The following MARCHF1 variants were observed in gnomAD, a reference collection of about 807,000 sequenced individuals.
MARCHF1 encodes membrane associated ring-CH-type finger 1.
MARCHF1 carries 40 observed loss-of-function variants against 54.2 expected under a neutral mutation model. That is an observed-to-expected ratio of 0.74 (90% confidence interval 0.57 to 0.96). The LOEUF (loss-of-function observed/expected upper bound fraction) is 0.96. Ranked by LOEUF, MARCHF1 falls within the 40% of genes least tolerant of loss-of-function variation. MARCHF1 has a pLI of 0.00. For synonymous variants in MARCHF1, 236 were observed against 236.3 expected (o/e 1.00, Z 0.01); for missense variants, 586 against 656.5 (o/e 0.89, Z 1.17).
intron 1 of MARCHF1, among the ~76,000 whole-genome samples, chr4:164,245,017 T>A (rs1459864941): frequency 6.6e-6 from 1 of 152,186 alleles, no homozygotes; most frequent in Non-Finnish European, 1.5e-5. Context: ...ACAGCCGAAT[T>A]CTACCAGAGG....
At chr4:164,079,635 C>G (rs1755054049) in intron 2 of MARCHF1, among the ~76,000 whole-genome samples, 1 of 152,034 alleles carries the variant, frequency 6.6e-6, no homozygotes, top group Non-Finnish European at 1.5e-5. Flanking sequence ...AATGAATAAT[C>G]TAGTCTAGAA....
chr4:164,243,429 G>A (rs1732839032), intron 1 of MARCHF1, among the ~76,000 whole-genome samples: 1 of 151,878 alleles, frequency 6.6e-6, no homozygotes, highest in South Asian at 2.1e-4. Flanking sequence ...AGCAAATGCT[G>A]AGAGATTTTG....
At chr4:163,618,057 A>G (rs942779767) in intron 5 of MARCHF1, among the ~76,000 whole-genome samples, 6 of 152,200 alleles carry the variant, frequency 3.9e-5, no homozygotes, top group African/African-American at 1.4e-4. Context: ...TGAATCAGAT[A>G]GCATTTATGT....
chr4:163,733,197 A>ACACATACACATG (rs1554008827), intron 4 of MARCHF1, among the ~76,000 whole-genome samples: 3 of 32,316 alleles, frequency 9.3e-5, no homozygotes, highest in East Asian at 2.4e-3. Flanking sequence ...ATATATATAT[A>ACACATACACATG]TATATATATA....
At chr4:164,051,462 G>A (rs1201936442) in intron 2 of MARCHF1, among the ~76,000 whole-genome samples, 1 of 152,124 alleles carries the variant, frequency 6.6e-6, no homozygotes, top group East Asian at 1.9e-4. Context: ...TAGCAACTGT[G>A]ATTTCTACCT....
At chr4:163,668,709 G>T (rs1053047150) in intron 5 of MARCHF1, among the ~76,000 whole-genome samples, 5 of 152,128 alleles carry the variant, frequency 3.3e-5, no homozygotes, top group Admixed American at 6.6e-5. Context: ...TAAGTTGAAA[G>T]CATAAATATG....
At chr4:164,066,188 A>T (rs1180513463) in intron 2 of MARCHF1, among the ~76,000 whole-genome samples, 8 of 152,218 alleles carry the variant, frequency 5.3e-5, no homozygotes, top group African/African-American at 1.9e-4. Context: ...AAGAAAAAAA[A>T]AACTCCATTA....
At position 163,990,949 on chromosome 4, in the gene MARCHF1, T is replaced by C. The variant is rs1196093098; in HGVS notation, c.-247-2240A>G. On this transcript the variant is annotated intron_variant, in intron 2 of 9. Transcript: ENST00000514618. Reference sequence around the variant, plus strand: ...AGTTATAGGAAAGAAGATTTTTAGCTTGAATTAACTAAATGGCTGTCTTAA... The same window carrying C: ...AGTTATAGGAAAGAAGATTTTTAGCCTGAATTAACTAAATGGCTGTCTTAA... 2.0e-5 allele frequency among the ~76,000 whole-genome samples: 3 copies of C among 152,198 alleles called. No homozygotes were observed. In the East Asian group the frequency reaches 5.8e-4, roughly 29 times the overall value.
At chr4:164,027,582 C>T (rs1753798445) in intron 2 of MARCHF1, among the ~76,000 whole-genome samples, 1 of 151,830 alleles carries the variant, frequency 6.6e-6, no homozygotes, top group South Asian at 2.1e-4. Context: ...TACATTTTAC[C>T]ATATATAAAA....
chr4:163,744,449 G>T (rs986344804), intron 4 of MARCHF1, among the ~76,000 whole-genome samples: 1 of 152,150 alleles, frequency 6.6e-6, no homozygotes, highest in East Asian at 1.9e-4. Context: ...CCATGTATTA[G>T]AATAAGTCTG....
At chr4:163,534,034 T>C (rs1306674521) in intron 9 of MARCHF1, among the ~76,000 whole-genome samples, 2 of 152,026 alleles carry the variant, frequency 1.3e-5, no homozygotes, top group Non-Finnish European at 2.9e-5. Context: ...CAAAGTCCTA[T>C]CTGGGTAGCT....
intron 4 of MARCHF1, among the ~76,000 whole-genome samples, chr4:163,791,863 C>T (rs895600023): frequency 3.9e-5 from 6 of 152,112 alleles, no homozygotes; most frequent in Non-Finnish European, 8.8e-5. Context: ...GCTTACATAG[C>T]CCACTAGTCC....
chr4:163,890,683 G>A (rs959961502), intron 3 of MARCHF1, among the ~76,000 whole-genome samples: 2 of 152,090 alleles, frequency 1.3e-5, no homozygotes, highest in Non-Finnish European at 2.9e-5. Flanking sequence ...TTTTTGATTC[G>A]GGAGTATTTA....
At chr4:163,872,324 A>C (rs1431919274) in intron 3 of MARCHF1, among the ~76,000 whole-genome samples, 1 of 152,004 alleles carries the variant, frequency 6.6e-6, no homozygotes, top group African/African-American at 2.4e-5. Context: ...AGAACACTTA[A>C]TTTTTTCATT....
chr4:163,877,962 G>C (rs1052681992), intron 3 of MARCHF1, among the ~76,000 whole-genome samples: 2 of 152,204 alleles, frequency 1.3e-5, no homozygotes, highest in Non-Finnish European at 2.9e-5. Context: ...AGAGGATAGA[G>C]AGAGGGGAAA....
chr4:163,627,182 CT>C (rs1330789257), intron 5 of MARCHF1, among the ~76,000 whole-genome samples: 1 of 152,152 alleles, frequency 6.6e-6, no homozygotes, highest in African/African-American at 2.4e-5. Context: ...CATTTGGCCT[CT>C]GCTTGAGGCC....
chr4:164,121,320 A>G (rs1756061278), intron 1 of MARCHF1, among the ~76,000 whole-genome samples: 2 of 152,112 alleles, frequency 1.3e-5, no homozygotes, highest in South Asian at 4.1e-4. Flanking sequence ...ACGCTGCTAT[A>G]AAGAACTGCC....
At chr4:164,093,433 T>C (rs541167286) in intron 2 of MARCHF1, among the ~76,000 whole-genome samples, 7 of 152,262 alleles carry the variant, frequency 4.6e-5, no homozygotes, top group Admixed American at 2.0e-4. Context: ...GGACAGAAGG[T>C]TGCAAATAGA....
intron 2 of MARCHF1, among the ~76,000 whole-genome samples, chr4:164,099,775 G>C (rs750511091): frequency 3.9e-5 from 6 of 151,928 alleles, no homozygotes; most frequent in African/African-American, 1.4e-4. Flanking sequence ...GTTCTCTGAG[G>C]TCATAATATC....
Sources: gnomAD v4.1 joint callset for allele counts (sites outside exome capture counted in the v4.1 genomes callset) on GRCh38, gnomAD v4.1.1 for gene constraint, MANE v1.5 for transcripts, NCBI Gene and HGNC (gene_info 2026-07-23, HGNC 2026-07-21) for gene names.